CARMIL1: variants seen among roughly 807,000 people sequenced by gnomAD.
CARMIL1 encodes capping protein regulator and myosin 1 linker 1.
Under a neutral mutation model 177.1 loss-of-function variants are expected in CARMIL1, and 90 were observed. The observed-to-expected ratio is 0.51, with a 90% CI of 0.43 to 0.61. CARMIL1 has a LOEUF of 0.61. Ranked by LOEUF, CARMIL1 falls within the 20% of genes least tolerant of loss-of-function variation. The pLI is 0.00. For synonymous variants in CARMIL1, 577 were observed against 606.2 expected, an observed-to-expected ratio of 0.95 and a Z score of 0.71; for missense variants, 1,380 against 1,667.0, an observed-to-expected ratio of 0.83 and a Z score of 3.00.
intron 27 of CARMIL1, among the ~76,000 whole-genome samples, 192 bp downstream of exon 27, chr6:25,551,277 C>T (rs568646388): frequency 1.3e-5 from 2 of 152,220 alleles, no homozygotes; most frequent in African/African-American, 2.4e-5. Flanking sequence ...GAGATGATCA[C>T]GTAAATGCCT....
intron 2 of CARMIL1, among the ~76,000 whole-genome samples, chr6:25,337,938 C>T (rs1179192910): frequency 6.6e-6 from 1 of 152,154 alleles, no homozygotes; most frequent in Non-Finnish European, 1.5e-5. Flanking sequence ...GCTTTAGGAA[C>T]TAACTAGCTG....
intron 26 of CARMIL1, among the ~76,000 whole-genome samples, chr6:25,544,923 A>T (rs431659): frequency 6.6e-6 from 1 of 151,914 alleles, no homozygotes; most frequent in Non-Finnish European, 1.5e-5. Context: ...TGTATTGTCC[A>T]ATGTGTTACA....
chr6:25,374,157 G>A (rs1790746210), intron 2 of CARMIL1, among the ~76,000 whole-genome samples: 1 of 152,156 alleles, frequency 6.6e-6, no homozygotes, highest in South Asian at 2.1e-4. Context: ...ACTTTTTGAT[G>A]TAGGCATTTA....
At chr6:25,541,841 A>T (rs773846296) in intron 26 of CARMIL1, among the ~76,000 whole-genome samples, 1 of 151,986 alleles carries the variant, frequency 6.6e-6, no homozygotes, top group Non-Finnish European at 1.5e-5. Context: ...TTTAATCGAG[A>T]TGGGGTTTCA....
At chr6:25,505,180 ATTC>A (rs1223373592) in intron 17 of CARMIL1, among the ~76,000 whole-genome samples, 1 of 152,182 alleles carries the variant, frequency 6.6e-6, no homozygotes, top group African/African-American at 2.4e-5. Context: ...GGTGAGACAA[ATTC>A]TTCTTGAAAC....
At chr6:25,341,262 A>T (rs1246267111) in intron 2 of CARMIL1, among the ~76,000 whole-genome samples, 1 of 152,208 alleles carries the variant, frequency 6.6e-6, no homozygotes. Flanking sequence ...GAGAGATCTG[A>T]GACTTGCAGA....
chr6:25,488,359 G>T, intron 12 of CARMIL1, 123 bp from the exon 13 acceptor site: 1 of 761,570 alleles, frequency 1.3e-6, no homozygotes, highest in Non-Finnish European at 2.4e-6. Flanking sequence ...ACCTTTCAGG[G>T]ACAGTGCTCA....
intron 4 of CARMIL1, among the ~76,000 whole-genome samples, chr6:25,427,044 G>C (rs561063547): frequency 3.5e-4 from 54 of 152,250 alleles, no homozygotes; most frequent in African/African-American, 1.2e-3. Context: ...TTCCCCACCT[G>C]CAGTCAATCT....
chr6:25,292,096 T>C (rs571028018), intron 2 of CARMIL1, among the ~76,000 whole-genome samples: 4 of 152,236 alleles, frequency 2.6e-5, no homozygotes, highest in Non-Finnish European at 5.9e-5. Context: ...AAAATGTTTG[T>C]AGACTGCAAT....
chr6:25,344,106 T>C (rs1466089266), intron 2 of CARMIL1, among the ~76,000 whole-genome samples: 1 of 152,182 alleles, frequency 6.6e-6, no homozygotes, highest in Non-Finnish European at 1.5e-5. Context: ...CCATGTTCAC[T>C]CCATCCCACG....
Position 25,437,944 on chromosome 6 carries a change from T to G in CARMIL1, c.371+2340T>G, listed in dbSNP as rs73393831. ...TTCTCTTGCAAGTGATCCTTCATAC[T>G]GTCATCCGAGTTATCTTTTCATAAT... On this transcript the variant is annotated intron_variant, in intron 5 of 36. Transcript: ENST00000329474. 9.5e-3 allele frequency among the ~76,000 whole-genome samples: 1,444 copies of G among 152,324 alleles called. 26 individuals are homozygous for G. Among genetic ancestry groups the G allele is most frequent in the African/African-American group, 0.033 (1,375 of 41,566 alleles).
chr6:25,542,378 A>G (rs1396502705), intron 26 of CARMIL1, among the ~76,000 whole-genome samples: 1 of 152,246 alleles, frequency 6.6e-6, no homozygotes, highest in Non-Finnish European at 1.5e-5. Flanking sequence ...AGGATTCAAA[A>G]TATTTTCTGT....
intron 12 of CARMIL1, among the ~76,000 whole-genome samples, chr6:25,487,662 G>A (rs186909881): frequency 4.6e-4 from 70 of 152,146 alleles, no homozygotes; most frequent in Admixed American, 2.4e-3. Flanking sequence ...ACCCTTCTGG[G>A]CTCCCATTTT....
At chr6:25,565,664 G>A (rs1193704186) in intron 29 of CARMIL1, among the ~76,000 whole-genome samples, 2 of 152,102 alleles carry the variant, frequency 1.3e-5, no homozygotes, top group Non-Finnish European at 2.9e-5. Flanking sequence ...GGTCAACATG[G>A]TGAAATCCTG....
intron 2 of CARMIL1, among the ~76,000 whole-genome samples, chr6:25,405,503 A>G (rs1326050966): frequency 6.6e-6 from 1 of 152,242 alleles, no homozygotes; most frequent in African/African-American, 2.4e-5. Flanking sequence ...CCTTTATTAA[A>G]GTGGATTTTG....
intron 31 of CARMIL1, among the ~76,000 whole-genome samples, chr6:25,586,192 C>T (rs1438646187): frequency 6.7e-6 from 1 of 149,388 alleles, no homozygotes; most frequent in African/African-American, 2.6e-5. Context: ...CTCCTCACTT[C>T]CCGGACGGGG....
At chr6:25,354,329 A>C (rs1788371787) in intron 2 of CARMIL1, among the ~76,000 whole-genome samples, 1 of 120,364 alleles carries the variant, frequency 8.3e-6, no homozygotes, top group African/African-American at 3.3e-5. Context: ...TGACTAATTA[A>C]ATTTTTTTTT....
intron 4 of CARMIL1, among the ~76,000 whole-genome samples, chr6:25,434,144 G>C (rs556770809): frequency 6.6e-6 from 1 of 152,070 alleles, no homozygotes; most frequent in Non-Finnish European, 1.5e-5. Flanking sequence ...TCAAGCAATC[G>C]TCCTGCCTCA....
chr6:25,393,710 A>AT (rs531830183), intron 2 of CARMIL1, among the ~76,000 whole-genome samples: 30,865 of 143,448 alleles, frequency 0.22, 3,404 homozygotes, highest in Middle Eastern at 0.31. Context: ...CTGCTCTACA[A>AT]TTTTTTTTTT....
Sources: allele counts gnomAD v4.1 joint callset (sites outside exome capture counted in the v4.1 genomes callset), GRCh38; gene constraint gnomAD v4.1.1; transcripts MANE v1.5; gene names NCBI Gene and HGNC (gene_info 2026-07-23, HGNC 2026-07-21).